Variants in HBS1L observed in about 807,000 individuals in gnomAD.
HBS1L encodes the protein HBS1 like translational GTPase.
Under a neutral mutation model 88.9 loss-of-function variants are expected in HBS1L, and 55 were observed. That is an observed-to-expected ratio of 0.62 (90% CI 0.50 to 0.77). HBS1L has a LOEUF of 0.77. Ranked by LOEUF, HBS1L falls within the 30% of genes least tolerant of loss-of-function variation. The pLI, the probability that HBS1L is intolerant of heterozygous loss-of-function variation, is 0.00. For synonymous variants in HBS1L, 267 were observed against 288.5 expected (o/e 0.93, Z 0.76); for missense variants, 741 against 829.3 (o/e 0.89, Z 1.31).
rs1006501910 is a variant in HBS1L at position 135,036,406 on chromosome 6, AAT to A, written c.430+3165_430+3166del. 7 of 1,322,502 alleles carry A rather than the reference AAT, an allele frequency of 5.3e-6. No homozygotes were observed. In the African/African-American group the frequency reaches 6.1e-5, roughly 11 times the overall value. The allele number at this position is 1,322,502 out of a possible 1,614,324, so 81.9% of individuals were successfully genotyped here. On this transcript the variant is annotated intron_variant, in intron 4 of 17. Transcript: ENST00000367837. Reference sequence around the variant, plus strand: ...TGAAAGAAGACATAGTTAAAAAAAAAATCAGTGCAAAAATACGTATCAACTAA... The same window carrying A: ...TGAAAGAAGACATAGTTAAAAAAAAACAGTGCAAAAATACGTATCAACTAA...
At chr6:134,993,907 C>T (rs975700976) in intron 7 of HBS1L, 32 bp from the exon 8 acceptor site, 32 of 1,052,190 alleles carry the variant, frequency 3.0e-5, no homozygotes, top group Non-Finnish European at 3.8e-5. Context: ...TTAGAATGTA[C>T]GATATAAATA....
chr6:135,032,641 C>G (rs933188290), intron 4 of HBS1L, among the ~76,000 whole-genome samples: 4 of 152,090 alleles, frequency 2.6e-5, no homozygotes, highest in Non-Finnish European at 5.9e-5. Context: ...CATACAGATT[C>G]AGGGTCAATT....
At chr6:135,017,424 CA>C (rs1342059946) in intron 4 of HBS1L, among the ~76,000 whole-genome samples, 1 of 152,082 alleles carries the variant, frequency 6.6e-6, no homozygotes, top group Non-Finnish European at 1.5e-5. Context: ...AGAAATATTA[CA>C]AGGGAGAATT....
chr6:135,006,305 G>A (rs1775609602), intron 4 of HBS1L, among the ~76,000 whole-genome samples: 1 of 152,222 alleles, frequency 6.6e-6, no homozygotes. Flanking sequence ...TCTGATGAGA[G>A]GTAAAGCTCA....
chr6:135,035,868 T>TTTTTATATATTTA (rs1324686627), intron 4 of HBS1L: 1 of 754,686 alleles, frequency 1.3e-6, no homozygotes, highest in Admixed American at 6.3e-5. Flanking sequence ...TTGAAAACAC[T>TTTTTATATATTTA]TTTTATATAT....
intron 15 of HBS1L, among the ~76,000 whole-genome samples, chr6:134,971,186 G>A (rs1159891033): frequency 4.6e-5 from 7 of 151,572 alleles, no homozygotes; most frequent in Non-Finnish European, 1.0e-4. Context: ...CATTTGAGGA[G>A]TCAGAACTGG....
chr6:135,053,905 C>T (rs538019544), intron 1 of HBS1L, among the ~76,000 whole-genome samples: 3 of 152,226 alleles, frequency 2.0e-5, no homozygotes, highest in Non-Finnish European at 4.4e-5. Flanking sequence ...AACATTCATA[C>T]AGACATTTTT....
chr6:134,971,931 C>T (rs1774500512), intron 15 of HBS1L, among the ~76,000 whole-genome samples: 1 of 152,080 alleles, frequency 6.6e-6, no homozygotes, highest in African/African-American at 2.4e-5. Flanking sequence ...TTTCTTAAGT[C>T]TGTAACAAGC....
At chr6:135,026,312 C>T (rs1776225485) in intron 4 of HBS1L, among the ~76,000 whole-genome samples, 1 of 152,124 alleles carries the variant, frequency 6.6e-6, no homozygotes, top group African/African-American at 2.4e-5. Flanking sequence ...GTTCACATCT[C>T]CATTTTTAAC....
intron 4 of HBS1L, among the ~76,000 whole-genome samples, chr6:135,030,106 C>G (rs1472728374): frequency 6.6e-6 from 1 of 152,088 alleles, no homozygotes; most frequent in African/African-American, 2.4e-5. Context: ...AATGAATACA[C>G]AAAATTCCTG....
chr6:135,045,233 T>C (rs1051227487), intron 2 of HBS1L, among the ~76,000 whole-genome samples: 1 of 151,422 alleles, frequency 6.6e-6, no homozygotes, highest in Non-Finnish European at 1.5e-5. Flanking sequence ...AATAAAGGAG[T>C]GAGAGAAAGT....
chr6:134,997,875 A>G (rs1202677995), intron 5 of HBS1L, among the ~76,000 whole-genome samples: 1 of 152,188 alleles, frequency 6.6e-6, no homozygotes. Flanking sequence ...AAACTGTACC[A>G]AAAATGAAGA....
At chr6:135,053,600 C>G (rs1225221899) in intron 1 of HBS1L, among the ~76,000 whole-genome samples, 1 of 152,192 alleles carries the variant, frequency 6.6e-6, no homozygotes, top group Non-Finnish European at 1.5e-5. Flanking sequence ...ATGTTCTAGA[C>G]GGACTGAGGT....
At chr6:134,965,580 GCTT>G (rs1774288819) in intron 17 of HBS1L, among the ~76,000 whole-genome samples, 1 of 152,230 alleles carries the variant, frequency 6.6e-6, no homozygotes, top group Non-Finnish European at 1.5e-5. Context: ...AATATTGGAT[GCTT>G]TTTATGTGCT....
intron 3 of HBS1L, among the ~76,000 whole-genome samples, chr6:135,040,407 A>G (rs1373850749): frequency 7.3e-6 from 1 of 136,262 alleles, no homozygotes; most frequent in Non-Finnish European, 1.5e-5. Context: ...CTGGAATGCC[A>G]GTGGCGTGAT....
intron 13 of HBS1L, 151 bp from the exon 14 acceptor site, chr6:134,979,419 T>C (rs538967854): frequency 4.9e-6 from 3 of 617,344 alleles, no homozygotes; most frequent in Non-Finnish European, 3.0e-6. Context: ...ACTGTGAGCG[T>C]TGAGGAAAAC....
At chr6:135,022,537 C>T (rs1776102845) in intron 4 of HBS1L, among the ~76,000 whole-genome samples, 1 of 152,068 alleles carries the variant, frequency 6.6e-6, no homozygotes, top group African/African-American at 2.4e-5. Flanking sequence ...TGAACTAAAG[C>T]TTTTTCACTG....
chr6:135,024,481 T>TAAAAAAAAAAAAAAAAAAAAAAAAA (rs1776169245), intron 4 of HBS1L, among the ~76,000 whole-genome samples: 1 of 147,714 alleles, frequency 6.8e-6, no homozygotes, highest in Admixed American at 6.7e-5. Flanking sequence ...AAGAATGATG[T>TAAAAAAAAAAAAAAAAAAAAAAAAA]ATGAATTTTA....
At chr6:134,996,722 T>A in intron 7 of HBS1L, 55 bp downstream of exon 7, 1 of 1,304,260 alleles carries the variant, frequency 7.7e-7, no homozygotes, top group East Asian at 2.4e-5. Context: ...TATTACACAC[T>A]TATTTTAGAA....
Sources: allele counts gnomAD v4.1 joint callset (sites outside exome capture counted in the v4.1 genomes callset), GRCh38; gene constraint gnomAD v4.1.1; transcripts MANE v1.5; gene names NCBI Gene and HGNC (gene_info 2026-07-23, HGNC 2026-07-21).